CSMD1: variants seen among roughly 807,000 people sequenced by gnomAD.
The protein encoded by CSMD1 is CUB and sushi domain-containing protein 1.
A neutral mutation model predicts 417.5 loss-of-function variants in CSMD1; 213 were observed. That is an observed-to-expected ratio of 0.51 (90% confidence interval 0.46 to 0.57). The LOEUF is 0.57. Among genes scored for constraint, CSMD1 ranks in the 20% least tolerant of loss-of-function variants. CSMD1 has a pLI of 0.00. For missense variants in CSMD1, 6,923 were observed against 4,529.7 expected, an observed-to-expected ratio of 1.53 and a Z score of -15.17; for synonymous variants, 2,862 against 1,736.8, an observed-to-expected ratio of 1.65 and a Z score of -16.11.
At chr8:3,154,753 T>A (rs1468558112) in intron 39 of CSMD1, among the ~76,000 whole-genome samples, 2 of 152,228 alleles carry the variant, frequency 1.3e-5, no homozygotes, top group Non-Finnish European at 2.9e-5. Flanking sequence ...CTGAGAACAC[T>A]GCTTGATATA....
At chr8:3,456,534 G>C (rs1383914685) in intron 12 of CSMD1, among the ~76,000 whole-genome samples, 1 of 152,184 alleles carries the variant, frequency 6.6e-6, no homozygotes, top group Non-Finnish European at 1.5e-5. Flanking sequence ...GGTTATCTAA[G>C]TTGGCGCAGT....
chr8:4,729,163 C>A (rs546719147), intron 1 of CSMD1, among the ~76,000 whole-genome samples: 15 of 151,860 alleles, frequency 9.9e-5, no homozygotes, highest in South Asian at 6.2e-4. Context: ...GCTAATGAGA[C>A]GGGAGAAAAA....
At chr8:4,285,067 T>C (rs1796988451) in intron 3 of CSMD1, among the ~76,000 whole-genome samples, 1 of 152,168 alleles carries the variant, frequency 6.6e-6, no homozygotes, top group African/African-American at 2.4e-5. Context: ...ATAGTCAGAA[T>C]GATGCCTAGT....
intron 5 of CSMD1, among the ~76,000 whole-genome samples, chr8:3,833,898 T>G (rs1015916533): frequency 6.6e-6 from 1 of 152,192 alleles, no homozygotes; most frequent in African/African-American, 2.4e-5. Flanking sequence ...AAGTCTATAA[T>G]CCTATTTTGT....
At chr8:4,927,335 G>C (rs571856633) in intron 1 of CSMD1, among the ~76,000 whole-genome samples, 2 of 152,130 alleles carry the variant, frequency 1.3e-5, no homozygotes, top group African/African-American at 4.8e-5. Flanking sequence ...TAGGATTACA[G>C]GTATGAGCCA....
intron 28 of CSMD1, among the ~76,000 whole-genome samples, chr8:3,223,351 A>T (rs749123074): frequency 1.1e-4 from 17 of 152,148 alleles, no homozygotes; most frequent in Non-Finnish European, 2.4e-4. Flanking sequence ...GAACGTCAGG[A>T]TGTGCTGTGG....
chr8:3,747,964 A>G (rs1340584498), intron 6 of CSMD1, among the ~76,000 whole-genome samples: 1 of 152,124 alleles, frequency 6.6e-6, no homozygotes, highest in East Asian at 1.9e-4. Context: ...CCGTTTGTCT[A>G]GAAGTCCACC....
At chr8:4,182,989 G>C (rs1256639197) in intron 3 of CSMD1, among the ~76,000 whole-genome samples, 1 of 152,078 alleles carries the variant, frequency 6.6e-6, no homozygotes, top group African/African-American at 2.4e-5. Flanking sequence ...AAGGATCAAA[G>C]TCTTTCAAGT....
chr8:3,814,567 C>T (rs1292634021), intron 5 of CSMD1, among the ~76,000 whole-genome samples: 1 of 152,136 alleles, frequency 6.6e-6, no homozygotes, highest in Non-Finnish European at 1.5e-5. Flanking sequence ...GGGTGGATAC[C>T]ACTTGCACCT....
intron 18 of CSMD1, among the ~76,000 whole-genome samples, chr8:3,386,126 G>A (rs897915251): frequency 3.3e-5 from 5 of 152,104 alleles, no homozygotes; most frequent in Non-Finnish European, 2.9e-5. Flanking sequence ...TAGACAAATG[G>A]AGTTGATGTA....
chr8:4,088,090 C>G (rs1489885890), intron 3 of CSMD1, among the ~76,000 whole-genome samples: 2 of 152,186 alleles, frequency 1.3e-5, no homozygotes, highest in Non-Finnish European at 2.9e-5. Context: ...GAGGAAACCA[C>G]AAAAGGAGAA....
intron 5 of CSMD1, among the ~76,000 whole-genome samples, chr8:3,840,390 T>A (rs1257372871): frequency 6.6e-6 from 1 of 152,150 alleles, no homozygotes; most frequent in African/African-American, 2.4e-5. Context: ...AATAATAGTG[T>A]GTAAATAAGC....
intron 5 of CSMD1, among the ~76,000 whole-genome samples, chr8:3,958,487 C>T (rs935431996): frequency 1.3e-5 from 2 of 151,858 alleles, no homozygotes; most frequent in African/African-American, 2.4e-5. Context: ...TGAAATTGTT[C>T]CTGCTTATCA....
At chr8:3,340,905 C>G (rs778437142) in intron 23 of CSMD1, among the ~76,000 whole-genome samples, 1 of 152,102 alleles carries the variant, frequency 6.6e-6, no homozygotes, top group Non-Finnish European at 1.5e-5. Flanking sequence ...GAAAATTACT[C>G]CTGTCAAATT....
intron 25 of CSMD1, among the ~76,000 whole-genome samples, chr8:3,291,098 G>A (rs538384838): frequency 4.8e-4 from 73 of 152,136 alleles, no homozygotes; most frequent in Middle Eastern, 3.4e-3. Context: ...GGTTTTTGTC[G>A]TTGGTTCTGT....
At chr8:3,843,128 C>G (rs558201226) in intron 5 of CSMD1, among the ~76,000 whole-genome samples, 111 of 152,140 alleles carry the variant, frequency 7.3e-4, no homozygotes, top group Non-Finnish European at 2.9e-4. Flanking sequence ...ATAAATGATT[C>G]CATAGCACAT....
Position 4,540,988 on chromosome 8 carries a change from C to G in CSMD1, c.302+96354G>C, listed in dbSNP as rs991084456. Among the ~76,000 whole-genome samples the G allele has an allele frequency of 1.8e-3, 274 of 152,288 alleles. 1 individual carries two copies. The highest frequency in any genetic ancestry group is 5.8e-3 in the African/African-American group (241 of 41,554). On this transcript the variant is annotated intron_variant, in intron 2 of 69. Transcript: ENST00000635120. Reference sequence around the variant, plus strand: ...AATAGCACAGGTAAAGGGTCTGAAACATGAAAAGCTCAAACTCTTTAAATG... The same window carrying G: ...AATAGCACAGGTAAAGGGTCTGAAAGATGAAAAGCTCAAACTCTTTAAATG...
intron 2 of CSMD1, among the ~76,000 whole-genome samples, chr8:4,635,993 A>C (rs915537103): frequency 1.3e-5 from 2 of 152,028 alleles, no homozygotes; most frequent in East Asian, 1.9e-4. Flanking sequence ...ATGCAAATAA[A>C]ATATATTTGA....
intron 3 of CSMD1, among the ~76,000 whole-genome samples, chr8:4,361,679 G>T (rs373273848): frequency 6.6e-6 from 1 of 152,080 alleles, no homozygotes; most frequent in African/African-American, 2.4e-5. Context: ...AGCCAGGTGC[G>T]ACGGCTTGGC....
Sources: allele counts gnomAD v4.1 joint callset (sites outside exome capture counted in the v4.1 genomes callset), GRCh38; gene constraint gnomAD v4.1.1; transcripts MANE v1.5; gene names NCBI Gene and HGNC (gene_info 2026-07-23, HGNC 2026-07-21).